C17orf50: variants seen among roughly 807,000 people sequenced by gnomAD.
C17orf50 encodes the protein plakoglobin binding and degradation factor.
A neutral mutation model predicts 17.7 loss-of-function variants in C17orf50; 16 were observed. The observed-to-expected ratio is 0.90, with a 90% confidence interval of 0.61 to 1.37. The LOEUF is 1.37. Ranked by LOEUF, C17orf50 falls within the 40% of genes most tolerant of loss-of-function variation. C17orf50 has a pLI of 0.00. For missense variants in C17orf50, 271 were observed against 240.7 expected, an observed-to-expected ratio of 1.13 and a Z score of -0.83; for synonymous variants, 125 against 111.0, an observed-to-expected ratio of 1.13 and a Z score of -0.80.
rs782462183 is a variant in C17orf50, at chr17:35,760,905, C to T, written c.-37C>T. On this transcript the variant is annotated 5_prime_UTR_variant, in exon 1 of 3. Transcript: ENST00000605587. ...TCTGGGCACCCTCTCACATCCCAGT[C>T]TCTGATCAGGGAAAGCAGGGCACAG... 1.2e-6 allele frequency: 2 copies of T among 1,612,960 alleles called. No individual in the cohort carries two copies. Among genetic ancestry groups the T allele is most frequent in the Non-Finnish European group, 1.7e-6 (2 of 1,179,504 alleles).
chr17:35,761,099 A>ATTTTT (rs10533957), intron 1 of C17orf50, 145 bp downstream of exon 1: 27 of 506,304 alleles, frequency 5.3e-5, no homozygotes, highest in Middle Eastern at 5.4e-4. Context: ...GCCTTCCTGA[A>ATTTTT]TTTTTTTTTT....
At position 35,764,663 on chromosome 17, in the gene C17orf50, C is replaced by A; in HGVS notation, c.*45C>A. ...TTGTGCCCTCCATCATTTCCTGGCC[C>A]CAGACCCCCTACCGACCTTCTCTCT... On this transcript the variant is annotated 3_prime_UTR_variant, in exon 3 of 3. Coordinates refer to ENST00000605587, the MANE Select transcript of C17orf50 (RefSeq NM_145272.4). 6.6e-7 allele frequency: 1 copy of A among 1,521,684 alleles called. No homozygotes were observed. The allele number at this position is 1,521,684 out of a possible 1,614,324, so 94.3% of individuals were successfully genotyped here.
intron 2 of C17orf50, 32 bp from the exon 3 acceptor site, chr17:35,764,394 C>A: frequency 6.7e-7 from 1 of 1,502,446 alleles, no homozygotes; most frequent in Non-Finnish European, 8.9e-7. Context: ...AGGGGCTGCC[C>A]CAGGCACTGA....
At chr17:35,763,361 C>T (rs1223855762) in intron 1 of C17orf50, among the ~76,000 whole-genome samples, 4 of 151,154 alleles carry the variant, frequency 2.6e-5, no homozygotes, top group African/African-American at 7.3e-5. Context: ...ACCATAGCCT[C>T]GACTTCCCTA....
At chr17:35,763,566 G>A (rs899718300) in intron 1 of C17orf50, among the ~76,000 whole-genome samples, 76 of 151,280 alleles carry the variant, frequency 5.0e-4, no homozygotes, top group African/African-American at 1.7e-3. Context: ...GATTACAGGC[G>A]TGAGCCACCA....
rs1339406708 is a variant in C17orf50, at chr17:35,764,151, C to A, written c.158C>A (p.Pro53Gln). 6.5e-6 allele frequency: 10 copies of A among 1,549,088 alleles called. No individual in the cohort carries two copies. The highest frequency in any genetic ancestry group is 2.0e-5 in the Admixed American group (1 of 50,960). The change falls in exon 2 of 3, where the codon CCG (proline) becomes CAG (glutamine). Residue 53 changes from proline to glutamine, a missense_variant. Transcript: ENST00000605587. ...LEDSATEGEE[P>Q]PRVAEEGEGR... is the part of the protein sequence containing the mutation. ...GACAGCGCGACGGAGGGCGAGGAGC[C>A]GCCGCGGGTAGCGGAGGAGGGCGAA... is the stretch of plus-strand genomic sequence containing the variant.
chr17:35,762,737 C>T (rs1376976581), intron 1 of C17orf50, among the ~76,000 whole-genome samples: 3 of 152,116 alleles, frequency 2.0e-5, no homozygotes, highest in African/African-American at 7.2e-5. Flanking sequence ...CCCACCCCAC[C>T]AGCGGAGATG....
chr17:35,764,691 G>C lies in C17orf50; in HGVS notation c.*73G>C. On this transcript the variant is annotated 3_prime_UTR_variant, in exon 3 of 3. Coordinates refer to ENST00000605587, the MANE Select transcript of C17orf50 (RefSeq NM_145272.4). ...GACCCCCTACCGACCTTCTCTCTTG[G>C]AGCGCGGAGCCCTCTTCGACGCATT... 1 of 1,452,892 alleles carries C rather than the reference G, an allele frequency of 6.9e-7. No homozygotes were observed. The highest frequency in any genetic ancestry group is 9.1e-7 in the Non-Finnish European group (1 of 1,097,890). 90.0% of individuals were successfully genotyped at this position (1,452,892 alleles called of 1,614,324 possible). A position where few individuals can be genotyped will look rare whatever the true frequency, so the allele number is the denominator to read the frequency against.
In C17orf50 at chr17:35,764,676, C is replaced by T; in HGVS notation, c.*58C>T. 2 of 1,495,448 alleles carry T rather than the reference C, an allele frequency of 1.3e-6. No individual in the cohort carries two copies. Among genetic ancestry groups the T allele is most frequent in the Non-Finnish European group, 1.8e-6 (2 of 1,126,698 alleles). The allele number at this position is 1,495,448 out of a possible 1,614,324, so 92.6% of individuals were successfully genotyped here. On this transcript the variant is annotated 3_prime_UTR_variant, in exon 3 of 3. Coordinates refer to ENST00000605587, the MANE Select transcript of C17orf50 (RefSeq NM_145272.4). The stretch of plus-strand genomic sequence containing the variant: ...CATTTCCTGGCCCCAGACCCCCTAC[C>T]GACCTTCTCTCTTGGAGCGCGGAGC...
rs781962840 is a variant in C17orf50 at position 35,760,955 on chromosome 17, G to A, written c.13+1G>A. 32 of 1,613,504 alleles carry A rather than the reference G, an allele frequency of 2.0e-5. No homozygotes were observed. Among genetic ancestry groups the A allele is most frequent in the African/African-American group, 2.7e-5 (2 of 74,904 alleles). On this transcript the variant is annotated splice_donor_variant, in intron 1 of 2. Transcript: ENST00000605587. LOFTEE classifies it high-confidence loss of function. ...GCCTTGGGAAGAATGGATAAGCATG[G>A]TGAGTGGGGCTGGAGGCAGGGTGGG...
chr17:35,763,052 G>A (rs1346826102), intron 1 of C17orf50, among the ~76,000 whole-genome samples: 4 of 151,734 alleles, frequency 2.6e-5, no homozygotes, highest in Admixed American at 2.0e-4. Flanking sequence ...AACCCGGCAG[G>A]TGGAGCTTGC....
At chr17:35,761,490 T>G (rs2143078366) in intron 1 of C17orf50, among the ~76,000 whole-genome samples, 1 of 152,046 alleles carries the variant, frequency 6.6e-6, no homozygotes, top group East Asian at 1.9e-4. Flanking sequence ...CACAGCTCAC[T>G]GCAGTCTCAA....
In C17orf50 at chr17:35,761,320, A is replaced by G. The variant is rs946032682; in HGVS notation, c.13+366A>G. 6.5e-4 allele frequency among the ~76,000 whole-genome samples: 99 copies of G among 151,972 alleles called. 1 individual carries two copies. The highest frequency in any genetic ancestry group is 6.9e-4 in the Non-Finnish European group (47 of 67,968). On this transcript the variant is annotated intron_variant, in intron 1 of 2. Transcript: ENST00000605587. ...GAGATGGGGTTTCACTATGTTGGCC[A>G]GGCTGGTCGCGAACTCCTGACCTCA...
chr17:35,764,198 T>G lies in C17orf50; in HGVS notation c.205T>G (p.Ser69Ala). ...CGAAGGCCGCGAGCGGCGCTCAGTGTCCTACTGCCCGCTGCGCCAGGAGTC... is the reference window on the plus strand; with the variant it reads ...CGAAGGCCGCGAGCGGCGCTCAGTGGCCTACTGCCCGCTGCGCCAGGAGTC... ...EGEGRERRSVSYCPLRQESST... is the reference protein window; with the variant it reads ...EGEGRERRSVAYCPLRQESST... Residue 69 changes from serine to alanine, a missense_variant, in exon 2 of 3, where the codon TCC (serine) becomes GCC (alanine). Ser to Ala is a moderately conservative substitution (Grantham distance 99). Transcript: ENST00000605587. 6.5e-7 allele frequency: 1 copy of G among 1,547,730 alleles called. No homozygotes were observed. The highest frequency in any genetic ancestry group is 8.7e-7 in the Non-Finnish European group (1 of 1,146,524).
In C17orf50 at chr17:35,764,257, G is replaced by A; in HGVS notation, c.264G>A (p.Ala88=). 3.9e-6 allele frequency: 6 copies of A among 1,539,650 alleles called. No homozygotes were observed. The Admixed American group carries it at 5.9e-5, about 15-fold the overall frequency. ...STQQVALLRR[A]DSGFWGWLGP... is the part of the protein sequence containing the mutation. ...AGCAGGTGGCGCTGCTGCGGCGCGC[G>A]GACAGCGGCTTCTGGGGCTGGCTCG... Residue 88 remains alanine (A), a synonymous_variant, in exon 2 of 3, where the codon GCG becomes GCA. Transcript: ENST00000605587.
At position 35,761,352 on chromosome 17, in the gene C17orf50, C is replaced by T. The variant is rs587739505; in HGVS notation, c.13+398C>T. Among the ~76,000 whole-genome samples, 405 of 151,818 alleles carry T rather than the reference C, an allele frequency of 2.7e-3. 1 individual carries two copies. The highest frequency in any genetic ancestry group is 3.7e-3 in the Non-Finnish European group (254 of 67,912). On this transcript the variant is annotated intron_variant, in intron 1 of 2. Transcript: ENST00000605587. ...TCGCGAACTCCTGACCTCAAGTGAT[C>T]CACCCACCTTGGCCTCCCAAAGTCC...
rs1284394036 is a variant in C17orf50, at chr17:35,764,968, C to T, written c.*350C>T. Reference sequence around the variant, plus strand: ...TTGGGTATTTCAGATCCGCTCTGGCCCAGTGGGCAGAGGCATCGCCTAGAG... The same window carrying T: ...TTGGGTATTTCAGATCCGCTCTGGCTCAGTGGGCAGAGGCATCGCCTAGAG... On this transcript the variant is annotated 3_prime_UTR_variant, in exon 3 of 3. Transcript: ENST00000605587. 6.1e-6 allele frequency: 1 copy of T among 162,746 alleles called. No homozygotes were observed. The highest frequency in any genetic ancestry group is 6.5e-5 in the Admixed American group (1 of 15,440). The allele number at this position is 162,746 out of a possible 1,614,324, so 10.1% of individuals were successfully genotyped here.
chr17:35,763,759 C>T (rs948965341), intron 1 of C17orf50, among the ~76,000 whole-genome samples: 8 of 151,766 alleles, frequency 5.3e-5, no homozygotes, highest in Non-Finnish European at 8.8e-5. Context: ...TAGCAGGGCG[C>T]AGCGGGGCGT....
In C17orf50 at chr17:35,761,342, C is replaced by T. The variant is rs587661078; in HGVS notation, c.13+388C>T. Among the ~76,000 whole-genome samples, 530 of 151,772 alleles carry T rather than the reference C, an allele frequency of 3.5e-3. 2 individuals carry two copies. The highest frequency in any genetic ancestry group is 6.1e-3 in the Non-Finnish European group (414 of 67,932). ...GCCAGGCTGGTCGCGAACTCCTGAC[C>T]TCAAGTGATCCACCCACCTTGGCCT... is the stretch of plus-strand genomic sequence containing the variant. On this transcript the variant is annotated intron_variant, in intron 1 of 2. Coordinates refer to ENST00000605587, the MANE Select transcript of C17orf50 (RefSeq NM_145272.4).
Sources: allele counts gnomAD v4.1 joint callset (sites outside exome capture counted in the v4.1 genomes callset), GRCh38; gene constraint gnomAD v4.1.1; transcripts MANE v1.5; gene names NCBI Gene and HGNC (gene_info 2026-07-23, HGNC 2026-07-21).